PAX5: variants seen among roughly 807,000 people sequenced by gnomAD.
PAX5 encodes the protein paired box 5.
A neutral mutation model predicts 43.7 loss-of-function variants in PAX5; 9 were observed. That is an observed-to-expected ratio of 0.21 (90% CI 0.12 to 0.36). PAX5 has a LOEUF of 0.36. Among genes scored for constraint, PAX5 ranks in the 10% least tolerant of loss-of-function variants. The pLI is 1.00. For synonymous variants in PAX5, 228 were observed against 214.3 expected (o/e 1.06, Z -0.56); for missense variants, 383 against 532.7 (o/e 0.72, Z 2.77).
At chr9:36,920,040 C>T (rs763466842) in intron 7 of PAX5, among the ~76,000 whole-genome samples, 1 of 151,840 alleles carries the variant, frequency 6.6e-6, no homozygotes, top group Non-Finnish European at 1.5e-5. Context: ...AGAAGTGGAG[C>T]CTGAAGATGT....
intron 7 of PAX5, among the ~76,000 whole-genome samples, chr9:36,890,192 C>G (rs1397683371): frequency 6.6e-6 from 1 of 151,958 alleles, no homozygotes; most frequent in African/African-American, 2.4e-5. Context: ...CTCCATCTAC[C>G]TGACTGTGTG....
At chr9:36,935,930 C>T (rs1181933023) in intron 6 of PAX5, among the ~76,000 whole-genome samples, 2 of 152,248 alleles carry the variant, frequency 1.3e-5, no homozygotes, top group Admixed American at 6.5e-5. Flanking sequence ...GCCCCAGGGC[C>T]TCCACTCCTC....
At chr9:36,969,446 G>A (rs1191261231) in intron 5 of PAX5, among the ~76,000 whole-genome samples, 1 of 152,238 alleles carries the variant, frequency 6.6e-6, no homozygotes, top group Admixed American at 6.5e-5. Flanking sequence ...GCCCCTGGGG[G>A]CAAGGTCACT....
chr9:36,839,598 G>T lies in PAX5; in HGVS notation c.*962C>A. 1 of 233,396 alleles carries T rather than the reference G, an allele frequency of 4.3e-6. No homozygotes were observed. The highest frequency in any genetic ancestry group is 6.0e-5 in the East Asian group (1 of 16,588). The allele number at this position is 233,396 out of a possible 1,614,324, so 14.5% of individuals were successfully genotyped here. A position where few individuals can be genotyped will look rare whatever the true frequency, so the allele number is the denominator to read the frequency against. On this transcript the variant is annotated 3_prime_UTR_variant, in exon 10 of 10. Transcript: ENST00000358127. ...CCATGGCAGGTGTCCGAAGTGACCT[G>T]AACCTGGGCATGCCTCAGAAAACAC...
chr9:36,974,316 T>C (rs543794065), intron 5 of PAX5, among the ~76,000 whole-genome samples: 1 of 152,316 alleles, frequency 6.6e-6, no homozygotes, highest in African/African-American at 2.4e-5. Flanking sequence ...GGGCTGACAT[T>C]AGATAACAGG....
At chr9:37,026,564 G>A (rs1280807315) in intron 1 of PAX5, 2 of 1,340,416 alleles carry the variant, frequency 1.5e-6, no homozygotes, top group Admixed American at 2.2e-5. Context: ...CGTGCTTACA[G>A]TGTATTTCCA....
chr9:36,962,376 C>T (rs139919185), intron 6 of PAX5, among the ~76,000 whole-genome samples: 29 of 152,260 alleles, frequency 1.9e-4, no homozygotes, highest in Admixed American at 1.3e-3. Flanking sequence ...TCCAGCTCTG[C>T]GGTTCAACAA....
At chr9:36,969,430 C>T (rs1834741593) in intron 5 of PAX5, among the ~76,000 whole-genome samples, 1 of 152,256 alleles carries the variant, frequency 6.6e-6, no homozygotes, top group Admixed American at 6.5e-5. Flanking sequence ...GGTGGCTCCA[C>T]TGAGGGCCCC....
intron 7 of PAX5, among the ~76,000 whole-genome samples, chr9:36,888,411 A>G (rs944507765): frequency 6.6e-6 from 1 of 152,256 alleles, no homozygotes; most frequent in African/African-American, 2.4e-5. Context: ...TAGTATGTCC[A>G]TACAATGGAA....
chr9:36,836,787 G>A lies in PAX5; in HGVS notation c.*3773C>T, dbSNP rs1282831123. On this transcript the variant is annotated 3_prime_UTR_variant, in exon 10 of 10. Transcript: ENST00000358127. Reference sequence around the variant, plus strand: ...TTCCAAAGTGCGAAGGCAAAGAAAGGGAAGTGGGGGACAGCACATGACCTT... The same window carrying A: ...TTCCAAAGTGCGAAGGCAAAGAAAGAGAAGTGGGGGACAGCACATGACCTT... 1 of 232,174 alleles carries A rather than the reference G, an allele frequency of 4.3e-6. No homozygotes were observed. The highest frequency in any genetic ancestry group is 8.5e-6 in the Non-Finnish European group (1 of 117,520). The allele number at this position is 232,174 out of a possible 1,614,324, so 14.4% of individuals were successfully genotyped here.
At chr9:36,983,656 T>A (rs1349404935) in intron 5 of PAX5, among the ~76,000 whole-genome samples, 1 of 152,204 alleles carries the variant, frequency 6.6e-6, no homozygotes, top group African/African-American at 2.4e-5. Flanking sequence ...GTATTTTTTG[T>A]AGAGATGGGG....
intron 6 of PAX5, among the ~76,000 whole-genome samples, chr9:36,934,145 A>G (rs942541806): frequency 2.0e-5 from 3 of 152,220 alleles, no homozygotes; most frequent in African/African-American, 7.2e-5. Context: ...GACAGACTTC[A>G]AGCCTGACAC....
intron 5 of PAX5, among the ~76,000 whole-genome samples, chr9:36,997,450 G>A (rs142598708): frequency 3.9e-5 from 6 of 152,328 alleles, no homozygotes; most frequent in African/African-American, 1.2e-4. Flanking sequence ...TGGGGAGAGC[G>A]GCGGAAGGAG....
chr9:36,847,907 A>G (rs980602443), intron 8 of PAX5, among the ~76,000 whole-genome samples: 2 of 152,070 alleles, frequency 1.3e-5, no homozygotes, highest in African/African-American at 4.8e-5. Context: ...GTCTTCCCCC[A>G]TGGCTATAGG....
intron 6 of PAX5, among the ~76,000 whole-genome samples, chr9:36,934,941 A>G (rs1831418568): frequency 6.6e-6 from 1 of 152,204 alleles, no homozygotes; most frequent in Admixed American, 6.5e-5. Context: ...TGGCTCTTCC[A>G]ACGGTGCCAG....
intron 8 of PAX5, 68 bp downstream of exon 8, chr9:36,881,936 G>T (rs150639275): frequency 8.3e-5 from 96 of 1,154,546 alleles, no homozygotes; most frequent in Admixed American, 1.8e-4. Flanking sequence ...GGCTGTTTGG[G>T]GGGGGATGTC....
rs1821420230 is a variant in PAX5, at chr9:36,833,430, T to C, written c.*7130A>G. Reference sequence around the variant, plus strand: ...AGATATTGAAACTACGCCAATCTTATTGCATGTTTCTCCAACTAATCTAAA... The same window carrying C: ...AGATATTGAAACTACGCCAATCTTACTGCATGTTTCTCCAACTAATCTAAA... On this transcript the variant is annotated 3_prime_UTR_variant, in exon 10 of 10. Coordinates refer to ENST00000358127, the MANE Select transcript of PAX5 (RefSeq NM_016734.3). The C allele has an allele frequency of 4.3e-6, 1 of 233,076 alleles. No homozygotes were observed. The highest frequency in any genetic ancestry group is 2.2e-5 in the African/African-American group (1 of 45,328). 14.4% of individuals were successfully genotyped at this position (233,076 alleles called of 1,614,324 possible).
chr9:36,973,987 A>G (rs1480793496), intron 5 of PAX5, among the ~76,000 whole-genome samples: 1 of 152,124 alleles, frequency 6.6e-6, no homozygotes, highest in Non-Finnish European at 1.5e-5. Context: ...GCAACAGAGT[A>G]AGACTCTGTC....
intron 8 of PAX5, among the ~76,000 whole-genome samples, chr9:36,862,306 C>G (rs748856926): frequency 6.6e-6 from 1 of 152,096 alleles, no homozygotes; most frequent in Non-Finnish European, 1.5e-5. Flanking sequence ...TGCAGGAGGA[C>G]GATGCATCCC....
Sources: gnomAD v4.1 joint callset for allele counts (sites outside exome capture counted in the v4.1 genomes callset) on GRCh38, gnomAD v4.1.1 for gene constraint, MANE v1.5 for transcripts, NCBI Gene and HGNC (gene_info 2026-07-23, HGNC 2026-07-21) for gene names.